The following ZZEF1 variants were observed in gnomAD, a reference collection of about 807,000 sequenced individuals.
The protein encoded by ZZEF1 is zinc finger ZZ-type and EF-hand domain containing 1.
ZZEF1 carries 157 observed loss-of-function variants against 342.8 expected under a neutral mutation model. The observed-to-expected ratio is 0.46, with a 90% CI of 0.40 to 0.52. The LOEUF (loss-of-function observed/expected upper bound fraction) is 0.52, where lower values mean the gene tolerates loss of function less well. Among genes scored for constraint, ZZEF1 ranks in the 20% least tolerant of loss-of-function variants. The probability of loss-of-function intolerance (pLI) is 0.00; values close to 1 mark genes in which losing one functional copy is unlikely to be tolerated. For synonymous variants in ZZEF1, 1,505 were observed against 1,429.1 expected (o/e 1.05, Z -1.20); for missense variants, 3,480 against 3,725.6 (o/e 0.93, Z 1.72).
At position 4,032,282 on chromosome 17, in the gene ZZEF1, G is replaced by A. The variant is rs771547276; in HGVS notation, c.6760-24C>T. Reference sequence around the variant, plus strand: ...ACCTAGAACGTGGTAGACAGAGACAGAAAGGCAACTCAAACATGGAGACAA... The same window carrying A: ...ACCTAGAACGTGGTAGACAGAGACAAAAAGGCAACTCAAACATGGAGACAA... On this transcript the variant is annotated intron_variant, in intron 41 of 54. Coordinates refer to ENST00000381638, the MANE Select transcript of ZZEF1 (RefSeq NM_015113.4). 1.9e-6 allele frequency: 3 copies of A among 1,600,864 alleles called. No individual in the cohort carries two copies. The African/African-American group carries it at 4.0e-5, about 22-fold the overall frequency.
chr17:4,030,879 A>G (rs1399188416), intron 42 of ZZEF1, among the ~76,000 whole-genome samples: 1 of 152,220 alleles, frequency 6.6e-6, no homozygotes, highest in Non-Finnish European at 1.5e-5. Flanking sequence ...AAAATTTTAT[A>G]CAAATTTAAA....
chr17:4,054,700 C>T (rs1386038733), intron 33 of ZZEF1, among the ~76,000 whole-genome samples: 1 of 152,146 alleles, frequency 6.6e-6, no homozygotes, highest in Non-Finnish European at 1.5e-5. Context: ...CCTTGCATAT[C>T]AGTCTTAGGA....
intron 13 of ZZEF1, among the ~76,000 whole-genome samples, chr17:4,087,782 CAACACA>C (rs1338363376): frequency 1.3e-3 from 103 of 82,044 alleles, no homozygotes; most frequent in African/African-American, 5.0e-3. Context: ...TATATACACA[CAACACA>C]CACACACACA....
Position 4,008,822 on chromosome 17 carries a change from G to A in ZZEF1, c.8805+61C>T. On this transcript the variant is annotated intron_variant, in intron 54 of 54. Coordinates refer to ENST00000381638, the MANE Select transcript of ZZEF1 (RefSeq NM_015113.4). The surrounding 1 kb of genome is among the most constrained non-coding windows in gnomAD (Gnocchi z 4.2). ...CAATGTACAGACCTTCTCTGCCCTG[G>A]CAATGGTGAGATGGTGGCGCCCCAG... 1.3e-6 allele frequency: 2 copies of A among 1,537,228 alleles called. No individual in the cohort carries two copies. The highest frequency in any genetic ancestry group is 1.7e-6 in the Non-Finnish European group (2 of 1,144,354).
chr17:4,014,580 C>G lies in ZZEF1; in HGVS notation c.8146-65G>C. On this transcript the variant is annotated intron_variant, in intron 49 of 54. Transcript: ENST00000381638. The surrounding 1 kb of genome is among the most constrained non-coding windows in gnomAD (Gnocchi z 4.4). ...TCACTAGACACTGACTGCAGCTGTC[C>G]CATGCCGAGTCCTGTGGCTGGACCC... 6.4e-7 allele frequency: 1 copy of G among 1,559,624 alleles called. No homozygotes were observed. The highest frequency in any genetic ancestry group is 1.1e-5 in the South Asian group (1 of 87,182).
intron 31 of ZZEF1, 61 bp from the exon 32 acceptor site, chr17:4,058,216 G>T: frequency 3.3e-6 from 5 of 1,512,184 alleles, no homozygotes; most frequent in Non-Finnish European, 3.5e-6. Context: ...GGCAACAGAA[G>T]CAATTCAAGT....
At chr17:4,100,073 T>C (rs1287853620) in intron 9 of ZZEF1, among the ~76,000 whole-genome samples, 6 of 152,040 alleles carry the variant, frequency 3.9e-5, no homozygotes, top group Admixed American at 3.9e-4. Context: ...AGCGTTTGAG[T>C]TCTCTGGGCA....
At chr17:4,073,202 AT>A in intron 24 of ZZEF1, among the ~76,000 whole-genome samples, 1 of 152,290 alleles carries the variant, frequency 6.6e-6, no homozygotes, top group East Asian at 1.9e-4. Flanking sequence ...GCTAATAGCT[AT>A]TTCTTTCTTT....
At chr17:4,106,012 C>T (rs866882475) in intron 6 of ZZEF1, among the ~76,000 whole-genome samples, 5 of 152,090 alleles carry the variant, frequency 3.3e-5, no homozygotes, top group African/African-American at 1.2e-4. Context: ...TGCAGTGGTG[C>T]GATCTCGGCT....
chr17:4,042,500 G>T lies in ZZEF1; in HGVS notation c.6235C>A (p.Gln2079Lys). The T allele has an allele frequency of 6.2e-7, 1 of 1,614,082 alleles. No homozygotes were observed. The highest frequency in any genetic ancestry group is 8.5e-7 in the Non-Finnish European group (1 of 1,180,002). ...EEKAVTPSPE[Q>K]VFAECSQKRI... ...TTCTGGGAACACTCAGCAAACACTT[G>T]CTCAGGGCTTGGAGTAACTGCTTTT... Residue 2079 changes from glutamine (Q) to lysine (K), a missense_variant, in exon 39 of 55, where the codon CAA becomes AAA. Gln to Lys is a moderately conservative substitution (Grantham distance 53). Around this residue, in one of 5 missense-constraint regions of ZZEF1, gnomAD observed 1,269 missense variants for 1,342.4 expected, o/e 0.95. Coordinates refer to ENST00000381638, the MANE Select transcript of ZZEF1 (RefSeq NM_015113.4).
At chr17:4,089,175 G>A (rs1313707585) in intron 12 of ZZEF1, among the ~76,000 whole-genome samples, 2 of 152,158 alleles carry the variant, frequency 1.3e-5, no homozygotes, top group African/African-American at 2.4e-5. Context: ...AGAGGATGAA[G>A]AAAAGTACAT....
rs148498683 is a variant in ZZEF1, at chr17:4,093,297, C to T, written c.1914-2467G>A. ...AAAGCAGTGTTTAAAAAGGCATACA[C>T]GTGTAACGGAAGGGAGATTTTAGGA... On this transcript the variant is annotated intron_variant, in intron 11 of 54. Transcript: ENST00000381638. 9.8e-5 allele frequency among the ~76,000 whole-genome samples: 15 copies of T among 152,290 alleles called. No individual in the cohort carries two copies. The East Asian group carries it at 1.3e-3, about 14-fold the overall frequency.
chr17:4,033,860 C>A (rs2056602752), intron 40 of ZZEF1, 155 bp downstream of exon 40: 4 of 974,084 alleles, frequency 4.1e-6, no homozygotes, highest in Non-Finnish European at 4.6e-6. Context: ...GGGTTGACAG[C>A]ATTGCTCATG....
rs772396629 is a variant in ZZEF1 at position 4,017,878 on chromosome 17, G to A, written c.7599C>T (p.Ser2533=). The change falls in exon 47 of 55, where the codon AGC becomes AGT. Residue 2533 remains serine, a synonymous_variant. Coordinates refer to ENST00000381638, the MANE Select transcript of ZZEF1 (RefSeq NM_015113.4). The surrounding 1 kb of genome is among the most constrained non-coding windows in gnomAD (Gnocchi z 5.1). ...TCATGTCTGTATCCACAGCTTTGGCGCTCTGTTCTTCCAGCCTCAGACTCT... is the reference window on the plus strand; with the variant it reads ...TCATGTCTGTATCCACAGCTTTGGCACTCTGTTCTTCCAGCCTCAGACTCT... ...PSKSLRLEEQ[S]AKAVDTDMII... is the part of the protein sequence containing the mutation. 3.7e-6 allele frequency: 6 copies of A among 1,614,148 alleles called. No homozygotes were observed. Among genetic ancestry groups the A allele is most frequent in the Admixed American group, 3.3e-5 (2 of 60,022 alleles).
intron 43 of ZZEF1, among the ~76,000 whole-genome samples, chr17:4,024,053 T>G (rs1398690338): frequency 6.6e-6 from 1 of 152,064 alleles, no homozygotes. Context: ...ATGGATATCC[T>G]CTGTTGGGAA....
Position 4,016,269 on chromosome 17 carries a change from A to C in ZZEF1, c.8145+54T>G, listed in dbSNP as rs1366369073. ...GGAGGGGCTGAGCACGGAGGGGCTGACGAGGTCTCTGCGGCTCAGTCGCTC... is the reference window on the plus strand; with the variant it reads ...GGAGGGGCTGAGCACGGAGGGGCTGCCGAGGTCTCTGCGGCTCAGTCGCTC... On this transcript the variant is annotated intron_variant, in intron 49 of 54. Transcript: ENST00000381638. This position sits in a 1 kb window ranked among gnomAD's most constrained non-coding sequence, Gnocchi z 4.4. 43 of 1,569,800 alleles carry C rather than the reference A, an allele frequency of 2.7e-5. No individual in the cohort carries two copies. Among genetic ancestry groups the C allele is most frequent in the Non-Finnish European group, 3.6e-5 (42 of 1,162,946 alleles).
intron 9 of ZZEF1, among the ~76,000 whole-genome samples, chr17:4,098,722 C>A (rs2058079916): frequency 6.6e-6 from 1 of 152,064 alleles, no homozygotes; most frequent in Admixed American, 6.6e-5. Context: ...GAGTTCAAGC[C>A]AACAAAAATT....
chr17:4,070,633 A>G, intron 26 of ZZEF1, 51 bp downstream of exon 26: 1 of 1,583,400 alleles, frequency 6.3e-7, no homozygotes, highest in Non-Finnish European at 8.6e-7. Context: ...GGCTTTCTTA[A>G]AACTTAGCAA....
At chr17:4,026,686 A>G (rs2056413333) in intron 42 of ZZEF1, among the ~76,000 whole-genome samples, 1 of 151,492 alleles carries the variant, frequency 6.6e-6, no homozygotes, top group Middle Eastern at 3.2e-3. Flanking sequence ...ACGCCCAGAT[A>G]TTTTTGTATT....
Sources: gnomAD v4.1 joint callset for allele counts (sites outside exome capture counted in the v4.1 genomes callset) on GRCh38, gnomAD v4.1.1 for gene constraint, gnomAD v4.1.1 regional missense constraint, Gnocchi (gnomAD v3.1) non-coding constraint, MANE v1.5 for transcripts, NCBI Gene and HGNC (gene_info 2026-07-23, HGNC 2026-07-21) for gene names.